Variants in TCF7 observed in about 807,000 individuals in gnomAD.
TCF7 encodes the protein transcription factor 7.
TCF7 carries 19 observed loss-of-function variants against 46.8 expected under a neutral mutation model. The observed-to-expected ratio is 0.41, with a 90% CI of 0.28 to 0.60. The LOEUF is 0.60. TCF7 is among the 20% of genes least tolerant of loss of function. The pLI, the probability that TCF7 is intolerant of heterozygous loss-of-function variation, is 0.35. For synonymous variants in TCF7, 245 were observed against 213.4 expected, an observed-to-expected ratio of 1.15 and a Z score of -1.29; for missense variants, 547 against 504.6, an observed-to-expected ratio of 1.08 and a Z score of -0.81.
Position 134,144,991 on chromosome 5 carries a change from T to C in TCF7, c.1076-1233T>C, listed in dbSNP as rs979828984. The C allele has an allele frequency of 9.2e-6, 8 of 866,320 alleles. No homozygotes were observed. The East Asian group carries it at 2.1e-4, about 23-fold the overall frequency. 53.7% of individuals were successfully genotyped at this position (866,320 alleles called of 1,614,324 possible). A position where few individuals can be genotyped will look rare whatever the true frequency, so the allele number is the denominator to read the frequency against. On this transcript the variant is annotated intron_variant, in intron 9 of 9. Transcript: ENST00000342854. The stretch of plus-strand genomic sequence containing the variant: ...TCAGCCCACTAGCATACTCAGCAGA[T>C]TGGGAGCCCAGGCCTCCTGAGAATA...
At chr5:134,113,878 C>T (rs948956529), upstream of TCF7, among the ~76,000 whole-genome samples, 3 of 152,184 alleles carry the variant, frequency 2.0e-5, no homozygotes, top group South Asian at 2.1e-4. Context: ...TTGCTGTGGA[C>T]GAGCGACCCA....
In TCF7 at chr5:134,114,856, C is replaced by T. The variant is rs1755575785; in HGVS notation, c.-51C>T. 2 of 982,764 alleles carry T rather than the reference C, an allele frequency of 2.0e-6. No individual in the cohort carries two copies. Among genetic ancestry groups the T allele is most frequent in the Non-Finnish European group, 2.4e-6 (2 of 829,694 alleles). 60.9% of individuals were successfully genotyped at this position (982,764 alleles called of 1,614,324 possible). The stretch of plus-strand genomic sequence containing the variant: ...CGCCGCCCCCCGGGCCGGCTCCGCG[C>T]CCCGCACTCCCGGCGCCCAGCGCCC... On this transcript the variant is annotated 5_prime_UTR_variant, in exon 1 of 10. Transcript: ENST00000342854.
At position 134,115,627 on chromosome 5, in the gene TCF7, C is replaced by T. The variant is rs1580785751; in HGVS notation, c.316+240C>T. ...CCGCCATCCCCGCCTCCCCTCCTGC[C>T]CAGGTGACTGACTAATCCGCCGCCT... On this transcript the variant is annotated intron_variant, in intron 2 of 9. Transcript: ENST00000342854. 9 of 1,432,970 alleles carry T rather than the reference C, an allele frequency of 6.3e-6. No individual in the cohort carries two copies. In the East Asian group the frequency reaches 2.3e-4, roughly 37 times the overall value. The allele number at this position is 1,432,970 out of a possible 1,614,324, so 88.8% of individuals were successfully genotyped here. A position where few individuals can be genotyped will look rare whatever the true frequency, so the allele number is the denominator to read the frequency against.
intron 3 of TCF7, among the ~76,000 whole-genome samples, chr5:134,118,989 C>G (rs551173124): frequency 2.0e-5 from 3 of 152,140 alleles, no homozygotes; most frequent in African/African-American, 7.2e-5. Context: ...CACTGTGTTG[C>G]CTGGACTTTG....
In TCF7 at chr5:134,143,029, T is replaced by C; in HGVS notation, c.955T>C (p.Tyr319His). The change falls in exon 8 of 10, where the codon TAT becomes CAT. Residue 319 changes from tyrosine (Y) to histidine (H), a missense_variant. Physicochemically the swap from Tyr to His is moderately conservative, Grantham distance 83. Transcript: ENST00000342854. ...GTCGCGAGAAGAGCAGGCCAAGTACTATGAGCTGGCCCGCAAGGAGAGGCA... is the reference window on the plus strand; with the variant it reads ...GTCGCGAGAAGAGCAGGCCAAGTACCATGAGCTGGCCCGCAAGGAGAGGCA... ...ALSREEQAKY[Y>H]ELARKERQLH... is the part of the protein sequence containing the mutation. The C allele has an allele frequency of 6.2e-7, 1 of 1,612,728 alleles. No individual in the cohort carries two copies. The highest frequency in any genetic ancestry group is 8.5e-7 in the Non-Finnish European group (1 of 1,179,360).
rs760546259 is a variant in TCF7 at position 134,138,094 on chromosome 5, ACTCT to A, written c.484_487del (p.Leu162ThrfsTer36). The A allele has an allele frequency of 3.1e-6, 5 of 1,609,436 alleles. No individual in the cohort carries two copies. Among genetic ancestry groups the A allele is most frequent in the Non-Finnish European group, 3.4e-6 (4 of 1,177,922 alleles). ...ATCAGCCCCCCCACGGTGTCCCCCA[ACTCT>A]CTCTCTACGAACATTTCAACAGCCC... On this transcript the variant is annotated frameshift_variant, in exon 4 of 10. Coordinates refer to ENST00000342854, the MANE Select transcript of TCF7 (RefSeq NM_003202.5). LOFTEE classifies it high-confidence loss of function.
chr5:134,129,724 G>A (rs1757845035), intron 3 of TCF7, among the ~76,000 whole-genome samples: 1 of 152,274 alleles, frequency 6.6e-6, no homozygotes, highest in Non-Finnish European at 1.5e-5. Context: ...GGGTGCCTCG[G>A]GCCGGGTTGG....
At chr5:134,122,838 A>G (rs1012975758) in intron 3 of TCF7, among the ~76,000 whole-genome samples, 1 of 152,182 alleles carries the variant, frequency 6.6e-6, no homozygotes, top group Non-Finnish European at 1.5e-5. Context: ...GGTACAGTGC[A>G]CAGATCCTCC....
At chr5:134,113,253 A>AC (rs1051049552), upstream of TCF7, among the ~76,000 whole-genome samples, 1 of 151,470 alleles carries the variant, frequency 6.6e-6, no homozygotes, top group African/African-American at 2.4e-5. Flanking sequence ...TGCCCATGCC[A>AC]CCCCCCAGCC....
the TCF7 span, among the ~76,000 whole-genome samples, chr5:134,109,607 T>C: frequency 0.8 from 121,461 of 151,896 alleles, 48,895 homozygotes; most frequent in Non-Finnish European, 0.86. Flanking sequence ...CCATCTCTAC[T>C]AAAAATACAA....
At chr5:134,108,267 A>T in the TCF7 span, among the ~76,000 whole-genome samples, 1 of 152,192 alleles carries the variant, frequency 6.6e-6, no homozygotes, top group Non-Finnish European at 1.5e-5. Context: ...GAAGAAACAC[A>T]TTGGACCATT....
chr5:134,142,001 T>C, intron 5 of TCF7, 184 bp from the exon 6 acceptor site: 5 of 698,824 alleles, frequency 7.2e-6, no homozygotes, highest in Non-Finnish European at 1.1e-5. Flanking sequence ...GCAGTGTGTC[T>C]GTGTAGTGTG....
intron 2 of TCF7, 62 bp from the exon 3 acceptor site, chr5:134,115,847 A>G: frequency 6.2e-7 from 1 of 1,608,590 alleles, no homozygotes; most frequent in Non-Finnish European, 8.5e-7. Context: ...TCAAGAGCAG[A>G]CAGCCTTCAG....
rs781112427 is a variant in TCF7 at position 134,143,324 on chromosome 5, T to G, written c.1026+224T>G. The G allele has an allele frequency of 6.5e-6, 5 of 767,666 alleles. No homozygotes were observed. In the South Asian group the frequency reaches 6.9e-5, roughly 11 times the overall value. 47.6% of individuals were successfully genotyped at this position (767,666 alleles called of 1,614,324 possible). On this transcript the variant is annotated intron_variant, in intron 8 of 9. Coordinates refer to ENST00000342854, the MANE Select transcript of TCF7 (RefSeq NM_003202.5). ...CACACATGAGCTGTTACCCAACATTTGATTGGGCCACATGGGCAGAAGGGG... is the reference window on the plus strand; with the variant it reads ...CACACATGAGCTGTTACCCAACATTGGATTGGGCCACATGGGCAGAAGGGG...
chr5:134,140,189 T>C (rs1028332007), intron 5 of TCF7, among the ~76,000 whole-genome samples: 1 of 152,164 alleles, frequency 6.6e-6, no homozygotes, highest in Non-Finnish European at 1.5e-5. Flanking sequence ...CTGAGCCCTA[T>C]TGTGTGCCGG....
At chr5:134,133,316 G>A (rs1165258192) in intron 3 of TCF7, among the ~76,000 whole-genome samples, 2 of 152,204 alleles carry the variant, frequency 1.3e-5, no homozygotes, top group African/African-American at 4.8e-5. Context: ...GAGGGCAAGA[G>A]AGATGAAGGT....
In TCF7 at chr5:134,142,704, G is replaced by T; in HGVS notation, c.756-17G>T. 1 of 1,613,406 alleles carries T rather than the reference G, an allele frequency of 6.2e-7. No individual in the cohort carries two copies. The highest frequency in any genetic ancestry group is 8.5e-7 in the Non-Finnish European group (1 of 1,179,642). On this transcript the variant is annotated splice_polypyrimidine_tract_variant and intron_variant, in intron 6 of 9. Coordinates refer to ENST00000342854, the MANE Select transcript of TCF7 (RefSeq NM_003202.5). ...CACTCGGGGGGCTCCTGAACAATCTGGATTTGTGCCCCTCAGGAAGACACA... is the reference window on the plus strand; with the variant it reads ...CACTCGGGGGGCTCCTGAACAATCTTGATTTGTGCCCCTCAGGAAGACACA...
the TCF7 span, among the ~76,000 whole-genome samples, chr5:134,109,113 A>C: frequency 7.9e-6 from 1 of 126,930 alleles, no homozygotes; most frequent in South Asian, 2.7e-4. Flanking sequence ...ATTCTAAGTG[A>C]TCACTGCTAT....
chr5:134,111,437 C>G (rs527502333), upstream of TCF7, among the ~76,000 whole-genome samples: 4 of 152,292 alleles, frequency 2.6e-5, no homozygotes, highest in South Asian at 8.3e-4. Context: ...GCAACCACAG[C>G]AGATTGCACT....
Sources: allele counts gnomAD v4.1 joint callset (sites outside exome capture counted in the v4.1 genomes callset), GRCh38; gene constraint gnomAD v4.1.1; transcripts MANE v1.5; gene names NCBI Gene and HGNC (gene_info 2026-07-23, HGNC 2026-07-21).